Variants in ADAMTS20 observed in about 807,000 individuals in gnomAD.
ADAMTS20 encodes A disintegrin and metalloproteinase with thrombospondin motifs 20.
In ADAMTS20, 225 loss-of-function variants were observed where a neutral mutation model predicts 260.1. The observed-to-expected ratio is 0.87, with a 90% CI of 0.78 to 0.97. The LOEUF (loss-of-function observed/expected upper bound fraction) is 0.97, where lower values mean the gene tolerates loss of function less well. ADAMTS20 is among the 50% of genes least tolerant of loss of function. The probability of loss-of-function intolerance (pLI) is 0.00; values close to 1 mark genes in which losing one functional copy is unlikely to be tolerated. For missense variants in ADAMTS20, 2,400 were observed against 2,337.7 expected (o/e 1.03, Z -0.55); for synonymous variants, 802 against 769.5 (o/e 1.04, Z -0.70).
At chr12:43,468,736 A>G (rs1221627270) in intron 7 of ADAMTS20, 31 bp from the exon 8 acceptor site, 1 of 1,257,150 alleles carries the variant, frequency 8.0e-7, no homozygotes, top group Non-Finnish European at 1.1e-6. Context: ...ATTTCATCAA[A>G]ATGGAAAACA....
chr12:43,446,606 C>T lies in ADAMTS20; in HGVS notation c.2186G>A (p.Ser729Asn). The T allele has an allele frequency of 6.2e-7, 1 of 1,612,266 alleles. No homozygotes were observed. Among genetic ancestry groups the T allele is most frequent in the African/African-American group, 1.3e-5 (1 of 74,950 alleles). ...SCKTITGVFN[S>N]SHYGYNVVVK... is the part of the protein sequence containing the mutation. ...AATACACAACTTACCATAATGAGAA[C>T]TGTTGAAGACACCTGTTATTGTCTT... Residue 729 changes from serine to asparagine, a missense_variant, in exon 15 of 39, where the codon AGT becomes AAT. By Grantham distance (46) the Ser-to-Asn change is conservative. Transcript: ENST00000389420.
At position 43,492,633 on chromosome 12, in the gene ADAMTS20, T is replaced by G. The variant is rs376839609; in HGVS notation, c.952-4A>C. On this transcript the variant is annotated splice_polypyrimidine_tract_variant and splice_region_variant and intron_variant, in intron 5 of 38. Coordinates refer to ENST00000389420, the MANE Select transcript of ADAMTS20 (RefSeq NM_025003.5). ...CAAAATTAATGACTGGTCCTTCCTA[T>G]GCAAAATAAGCAATGCAATACTATG... 1 of 1,613,444 alleles carries G rather than the reference T, an allele frequency of 6.2e-7. No homozygotes were observed. Among genetic ancestry groups the G allele is most frequent in the East Asian group, 2.2e-5 (1 of 44,834 alleles).
At chr12:43,423,883 G>A in intron 28 of ADAMTS20, 1 of 728,760 alleles carries the variant, frequency 1.4e-6, no homozygotes, top group South Asian at 1.4e-5. Flanking sequence ...GTTCCCACAA[G>A]ATGATGGTCC....
intron 3 of ADAMTS20, among the ~76,000 whole-genome samples, chr12:43,520,758 G>A (rs780273287): frequency 6.6e-5 from 10 of 152,078 alleles, no homozygotes; most frequent in South Asian, 4.1e-4. Flanking sequence ...GGGCATGGTC[G>A]TGGCCATATT....
intron 29 of ADAMTS20, among the ~76,000 whole-genome samples, chr12:43,386,314 C>A (rs760914698): frequency 2.0e-5 from 3 of 152,132 alleles, no homozygotes; most frequent in Non-Finnish European, 4.4e-5. Flanking sequence ...ATATCGGCCC[C>A]CACTCTCTTC....
At chr12:43,417,406 C>T (rs895655015) in intron 28 of ADAMTS20, among the ~76,000 whole-genome samples, 2 of 152,120 alleles carry the variant, frequency 1.3e-5, no homozygotes, top group Admixed American at 6.5e-5. Flanking sequence ...AGTTTTAATA[C>T]ATAAAAGGCC....
intron 29 of ADAMTS20, among the ~76,000 whole-genome samples, chr12:43,397,741 C>T (rs1437122918): frequency 2.0e-5 from 3 of 152,162 alleles, no homozygotes; most frequent in African/African-American, 7.2e-5. Flanking sequence ...AAGCAAATGC[C>T]CAATAATACA....
rs865934206 is a variant in ADAMTS20 at position 43,472,185 on chromosome 12, G to A, written c.1118-3480C>T. 2.0e-3 allele frequency among the ~76,000 whole-genome samples: 299 copies of A among 147,942 alleles called. 3 individuals are homozygous for A. Among genetic ancestry groups the A allele is most frequent in the Middle Eastern group, 0.01 (3 of 288 alleles). On this transcript the variant is annotated intron_variant, in intron 7 of 38. Coordinates refer to ENST00000389420, the MANE Select transcript of ADAMTS20 (RefSeq NM_025003.5). Reference sequence around the variant, plus strand: ...AACCAAGGCTCGAGAACTACGTGAAGAATGCAGAAGCCTCAGGAGCCGATG... The same window carrying A: ...AACCAAGGCTCGAGAACTACGTGAAAAATGCAGAAGCCTCAGGAGCCGATG...
Position 43,495,781 on chromosome 12 carries a change from C to T in ADAMTS20, c.868-2528G>A, listed in dbSNP as rs1018888781. 9.9e-5 allele frequency among the ~76,000 whole-genome samples: 15 copies of T among 152,034 alleles called. No homozygotes were observed. The South Asian group carries it at 3.1e-3, about 32-fold the overall frequency. On this transcript the variant is annotated intron_variant, in intron 4 of 38. Transcript: ENST00000389420. ...GTTTGATTTAAATAATTTTTACTTC[C>T]CCCAAAGAAAGTGATATTTTGCTTT...
At chr12:43,544,610 T>A (rs776660144) in intron 2 of ADAMTS20, among the ~76,000 whole-genome samples, 1 of 152,004 alleles carries the variant, frequency 6.6e-6, no homozygotes, top group Non-Finnish European at 1.5e-5. Context: ...TCAAAATGGA[T>A]CAGGAAGGAT....
At chr12:43,465,631 T>G (rs1281073492) in intron 9 of ADAMTS20, among the ~76,000 whole-genome samples, 1 of 152,126 alleles carries the variant, frequency 6.6e-6, no homozygotes, top group Non-Finnish European at 1.5e-5. Context: ...AATGAACATG[T>G]AAGCTTAAAA....
intron 28 of ADAMTS20, among the ~76,000 whole-genome samples, chr12:43,421,922 CGAAA>C (rs1941244861): frequency 6.6e-6 from 1 of 151,318 alleles, no homozygotes; most frequent in African/African-American, 2.4e-5. Context: ...AAAACACCAC[CGAAA>C]GAAAGGAGGC....
At chr12:43,402,907 G>A (rs1940837779) in intron 28 of ADAMTS20, among the ~76,000 whole-genome samples, 1 of 151,934 alleles carries the variant, frequency 6.6e-6, no homozygotes, top group Admixed American at 6.6e-5. Context: ...TGGAGCAGTA[G>A]ATACAGCACA....
chr12:43,432,323 GCCCAA>G lies in ADAMTS20; in HGVS notation c.3072_3076del (p.Trp1025CysfsTer2). The G allele has an allele frequency of 6.2e-7, 1 of 1,613,888 alleles. No homozygotes were observed. The highest frequency in any genetic ancestry group is 8.5e-7 in the Non-Finnish European group (1 of 1,179,842). The stretch of plus-strand genomic sequence containing the variant: ...ATGTACCTCGCTCCATTCACTAGCA[GCCCAA>G]CTGGGACAGGAAAATTCATTGCAAT... On this transcript the variant is annotated frameshift_variant, in exon 21 of 39. Transcript: ENST00000389420. LOFTEE classifies it high-confidence loss of function.
chr12:43,404,346 C>T (rs1037528299), intron 28 of ADAMTS20, among the ~76,000 whole-genome samples: 7 of 151,934 alleles, frequency 4.6e-5, no homozygotes, highest in Non-Finnish European at 7.4e-5. Flanking sequence ...ACTTACTGAC[C>T]AATGTTTGTC....
chr12:43,379,404 A>C (rs1940300580), intron 31 of ADAMTS20, among the ~76,000 whole-genome samples: 2 of 152,134 alleles, frequency 1.3e-5, no homozygotes, highest in African/African-American at 4.8e-5. Context: ...CATGCATCAG[A>C]TTGTACACAT....
At chr12:43,466,905 G>A in intron 8 of ADAMTS20, 110 bp from the exon 9 acceptor site, 4 of 819,700 alleles carry the variant, frequency 4.9e-6, no homozygotes, top group Non-Finnish European at 7.2e-6. Context: ...GATAAATCTG[G>A]TTATATCATA....
chr12:43,435,197 T>C (rs1254926790), intron 18 of ADAMTS20, among the ~76,000 whole-genome samples: 2 of 152,168 alleles, frequency 1.3e-5, no homozygotes, highest in Non-Finnish European at 2.9e-5. Context: ...TGCATCAAAA[T>C]TGGCTCATCA....
chr12:43,526,233 A>T (rs1943140631), intron 3 of ADAMTS20, among the ~76,000 whole-genome samples: 1 of 152,188 alleles, frequency 6.6e-6, no homozygotes, highest in Non-Finnish European at 1.5e-5. Context: ...AGGTGGGTGG[A>T]TCACGAGGTC....
Sources: allele counts gnomAD v4.1 joint callset (sites outside exome capture counted in the v4.1 genomes callset), GRCh38; gene constraint gnomAD v4.1.1; transcripts MANE v1.5; gene names NCBI Gene and HGNC (gene_info 2026-07-23, HGNC 2026-07-21).